GPR173: variants seen among roughly 807,000 people sequenced by gnomAD.
GPR173 encodes G protein-coupled receptor 173.
GPR173 carries 2 observed loss-of-function variants against 13.9 expected under a neutral mutation model. That is an observed-to-expected ratio of 0.14 (90% CI 0.06 to 0.45). The LOEUF (loss-of-function observed/expected upper bound fraction) is 0.45. Among genes scored for constraint, GPR173 ranks in the 20% least tolerant of loss-of-function variants. The probability of loss-of-function intolerance (pLI) is 0.98; values close to 1 mark genes in which losing one functional copy is unlikely to be tolerated. For synonymous variants in GPR173, 131 were observed against 141.0 expected, an observed-to-expected ratio of 0.93 and a Z score of 0.50; for missense variants, 202 against 340.5, an observed-to-expected ratio of 0.59 and a Z score of 3.20.
At chrX:53,054,887 G>A (rs1344407656) in intron 1 of GPR173, among the ~76,000 whole-genome samples, 4 of 109,695 alleles carry the variant, frequency 3.6e-5, no homozygotes, top group Non-Finnish European at 7.6e-5. Flanking sequence ...ATATGTGGAT[G>A]ATATGTCAGT....
intron 1 of GPR173, among the ~76,000 whole-genome samples, chrX:53,050,539 C>T (rs186544747): frequency 8.9e-6 from 1 of 112,359 alleles, no homozygotes; most frequent in African/African-American, 3.2e-5. Context: ...CCTCAGTTTT[C>T]CCATCTGTCA....
At position 53,077,275 on chromosome X, in the gene GPR173, G is replaced by A. The variant is rs1432499086; in HGVS notation, c.654G>A (p.Lys218=). 5 of 1,184,599 alleles carry A rather than the reference G, an allele frequency of 4.2e-6. No individual in the cohort carries two copies. In the Admixed American group the frequency reaches 9.6e-5, roughly 23 times the overall value. ...LLFEYRHRKM[K]PVQMVPAISQ... is the part of the protein sequence containing the mutation. ...TCGAGTATCGTCACCGCAAGATGAA[G>A]CCAGTGCAGATGGTGCCAGCCATCA... Residue 218 remains lysine, a synonymous_variant, in exon 2 of 2, where the codon AAG becomes AAA. Transcript: ENST00000332582.
chrX:53,066,729 T>A (rs1258107673), intron 1 of GPR173, among the ~76,000 whole-genome samples: 3 of 110,472 alleles, frequency 2.7e-5, no homozygotes, highest in Non-Finnish European at 5.7e-5. Context: ...TACCTCATTA[T>A]TATTATTATT....
Position 53,077,668 on chromosome X carries a change from G to C in GPR173, c.1047G>C (p.Lys349Asn), listed in dbSNP as rs781939891. The change falls in exon 2 of 2, where the codon AAG (lysine) becomes AAC (asparagine). Residue 349 changes from lysine (K) to asparagine (N), a missense_variant. By Grantham distance (94) the Lys-to-Asn change is moderately conservative. Transcript: ENST00000332582. ...VCFLLNKDLKKCLRTHAPCWG... is the reference protein window; with the variant it reads ...VCFLLNKDLKNCLRTHAPCWG... ...TCCTGCTCAACAAGGACCTCAAGAA[G>C]TGCCTGAGGACTCACGCCCCCTGCT... The C allele has an allele frequency of 7.5e-6, 9 of 1,207,640 alleles. No individual in the cohort carries two copies. The highest frequency in any genetic ancestry group is 9.0e-6 in the Non-Finnish European group (8 of 892,063).
At chrX:53,070,260 C>T (rs1932240047) in intron 1 of GPR173, among the ~76,000 whole-genome samples, 1 of 110,777 alleles carries the variant, frequency 9.0e-6, no homozygotes, top group South Asian at 3.8e-4. Flanking sequence ...TTGTGTGTAC[C>T]TATCTGTCAG....
rs1189484884 is a variant in GPR173, at chrX:53,079,992, C to T, written c.*2249C>T. On this transcript the variant is annotated 3_prime_UTR_variant, in exon 2 of 2. Coordinates refer to ENST00000332582, the MANE Select transcript of GPR173 (RefSeq NM_018969.6). Reference sequence around the variant, plus strand: ...TGAAAACCTCATCTCCTCACAAAGCCTGTAGCCCCATCTCAACCCCGTCTC... The same window carrying T: ...TGAAAACCTCATCTCCTCACAAAGCTTGTAGCCCCATCTCAACCCCGTCTC... The T allele has an allele frequency of 8.1e-6, 1 of 123,004 alleles. No individual in the cohort carries two copies. Among genetic ancestry groups the T allele is most frequent in the African/African-American group, 3.3e-5 (1 of 30,713 alleles). 10.1% of individuals were successfully genotyped at this position (123,004 alleles called of 1,213,427 possible).
At position 53,076,812 on chromosome X, in the gene GPR173, T is replaced by G; in HGVS notation, c.191T>G (p.Leu64Arg). ...GCTCCTTACTACTTCCTGCTGGACC[T>G]GTGCCTGGCCGATGGCATACGCTCT... ...HKAPYYFLLD[L>R]CLADGIRSAV... The change falls in exon 2 of 2, where the codon CTG becomes CGG. Residue 64 changes from leucine (L) to arginine (R), a missense_variant. Coordinates refer to ENST00000332582, the MANE Select transcript of GPR173 (RefSeq NM_018969.6). 1 of 1,210,225 alleles carries G rather than the reference T, an allele frequency of 8.3e-7. No homozygotes were observed. Among genetic ancestry groups the G allele is most frequent in the Non-Finnish European group, 1.1e-6 (1 of 894,311 alleles).
At chrX:53,068,871 C>T (rs781986310) in intron 1 of GPR173, among the ~76,000 whole-genome samples, 136 of 106,857 alleles carry the variant, frequency 1.3e-3, no homozygotes, top group African/African-American at 4.4e-3. Context: ...AAGGATTGTT[C>T]GAGCTCAGGA....
At chrX:53,068,763 T>TATAAATAAATAA (rs782084081) in intron 1 of GPR173, among the ~76,000 whole-genome samples, 2,733 of 96,441 alleles carry the variant, frequency 0.028, 80 homozygotes, top group African/African-American at 0.07. Context: ...CGAGACCCTG[T>TATAAATAAATAA]ATAAATAAAT....
intron 1 of GPR173, among the ~76,000 whole-genome samples, chrX:53,061,582 T>G (rs1363986384): frequency 9.0e-6 from 1 of 111,609 alleles, no homozygotes. Flanking sequence ...TGAAGAGGGT[T>G]AGGGGTACTA....
At chrX:53,061,094 G>A (rs1932119359) in intron 1 of GPR173, among the ~76,000 whole-genome samples, 1 of 108,997 alleles carries the variant, frequency 9.2e-6, no homozygotes, top group South Asian at 4.1e-4. Flanking sequence ...GTGATGGCAG[G>A]TGCCTGTAGT....
intron 1 of GPR173, among the ~76,000 whole-genome samples, chrX:53,050,604 G>A (rs190144891): frequency 1.5e-3 from 165 of 112,339 alleles, no homozygotes; most frequent in South Asian, 2.6e-3. Context: ...ATGAGTTGGT[G>A]CATGTAAGTA....
chrX:53,071,656 C>CA (rs1432763153), intron 1 of GPR173, among the ~76,000 whole-genome samples: 2 of 111,849 alleles, frequency 1.8e-5, no homozygotes, highest in Non-Finnish European at 3.8e-5. Context: ...CCCTACACCC[C>CA]AGCACTGTGG....
chrX:53,062,306 G>A (rs910829994), intron 1 of GPR173, among the ~76,000 whole-genome samples: 7 of 110,365 alleles, frequency 6.3e-5, no homozygotes, highest in African/African-American at 2.3e-4. Flanking sequence ...GTCTTGACTC[G>A]TTCCAGCACC....
intron 1 of GPR173, among the ~76,000 whole-genome samples, chrX:53,061,152 G>A (rs1932120269): frequency 9.2e-6 from 1 of 108,629 alleles, no homozygotes; most frequent in Non-Finnish European, 1.9e-5. Context: ...GGACCCAGGA[G>A]GCAGAGTTTG....
At chrX:53,066,043 T>C (rs782787013) in intron 1 of GPR173, among the ~76,000 whole-genome samples, 12 of 111,848 alleles carry the variant, frequency 1.1e-4, no homozygotes, top group African/African-American at 3.9e-4. Flanking sequence ...GAGGCTGCAG[T>C]GAGCCATGAT....
chrX:53,058,972 G>A (rs1002068683), intron 1 of GPR173, among the ~76,000 whole-genome samples: 8 of 109,005 alleles, frequency 7.3e-5, no homozygotes, highest in African/African-American at 1.0e-4. Context: ...ACTCTAGGCC[G>A]AGCGCGGTGG....
chrX:53,049,661 TC>T (rs201267511), intron 1 of GPR173, among the ~76,000 whole-genome samples, 177 bp downstream of exon 1: 4,610 of 110,499 alleles, frequency 0.042, 102 homozygotes, highest in African/African-American at 0.086. Flanking sequence ...CTCCTCATCT[TC>T]CCCCCATCTT....
chrX:53,050,218 C>A (rs1281337830), intron 1 of GPR173, among the ~76,000 whole-genome samples: 6 of 111,258 alleles, frequency 5.4e-5, no homozygotes, highest in Non-Finnish European at 9.4e-5. Flanking sequence ...GGAGCACTTC[C>A]AGGCCCTAGG....
Sources: gnomAD v4.1 joint callset for allele counts (sites outside exome capture counted in the v4.1 genomes callset) on GRCh38, gnomAD v4.1.1 for gene constraint, MANE v1.5 for transcripts, NCBI Gene and HGNC (gene_info 2026-07-23, HGNC 2026-07-21) for gene names.